SLC24A2: variants seen among roughly 807,000 people sequenced by gnomAD.
The protein encoded by SLC24A2 is solute carrier family 24 member 2.
A neutral mutation model predicts 62.0 loss-of-function variants in SLC24A2; 36 were observed. The observed-to-expected ratio is 0.58, with a 90% CI of 0.44 to 0.77. SLC24A2 has a LOEUF of 0.77. SLC24A2 is among the 30% of genes least tolerant of loss of function. SLC24A2 has a pLI of 0.00. For synonymous variants in SLC24A2, 358 were observed against 294.0 expected (o/e 1.22, Z -2.23); for missense variants, 846 against 817.9 (o/e 1.03, Z -0.42).
intron 2 of SLC24A2, among the ~76,000 whole-genome samples, chr9:19,697,998 TG>T (rs1820242716): frequency 6.6e-6 from 1 of 152,124 alleles, no homozygotes; most frequent in Non-Finnish European, 1.5e-5. Flanking sequence ...TGAACAAAAA[TG>T]TTTTAATATG....
chr9:19,693,474 G>T (rs1820099723), intron 2 of SLC24A2, among the ~76,000 whole-genome samples: 1 of 152,022 alleles, frequency 6.6e-6, no homozygotes, highest in Non-Finnish European at 1.5e-5. Context: ...TTCAGTTGTT[G>T]ATGGCCCTGT....
the SLC24A2 span, among the ~76,000 whole-genome samples, chr9:19,806,590 A>G: frequency 6.6e-6 from 1 of 152,198 alleles, no homozygotes; most frequent in African/African-American, 2.4e-5. Context: ...TATAACATTC[A>G]TGAGATCTTC....
At chr9:20,148,791 A>G in the SLC24A2 span, among the ~76,000 whole-genome samples, 1 of 152,212 alleles carries the variant, frequency 6.6e-6, no homozygotes, top group Admixed American at 6.5e-5. Context: ...AACACAAGGA[A>G]TATTTTGACA....
chr9:19,563,941 C>A (rs536685067), intron 7 of SLC24A2, among the ~76,000 whole-genome samples: 134 of 151,004 alleles, frequency 8.9e-4, no homozygotes, highest in African/African-American at 3.2e-3. Flanking sequence ...GCAGCCTCTG[C>A]CTCCTGGGCT....
the SLC24A2 span, among the ~76,000 whole-genome samples, chr9:20,190,844 C>T: frequency 6.6e-6 from 1 of 152,134 alleles, no homozygotes; most frequent in East Asian, 1.9e-4. Context: ...AAAGGGATGA[C>T]AAAAATGGTA....
chr9:20,279,188 A>T, the SLC24A2 span, among the ~76,000 whole-genome samples: 5 of 152,236 alleles, frequency 3.3e-5, no homozygotes, highest in Admixed American at 2.6e-4. Context: ...CTACAATTTA[A>T]GATGAGATTT....
At chr9:20,186,909 G>T in the SLC24A2 span, among the ~76,000 whole-genome samples, 2 of 152,084 alleles carry the variant, frequency 1.3e-5, no homozygotes, top group African/African-American at 4.8e-5. Flanking sequence ...TCTGACCTTT[G>T]GGCAGGGGTG....
the SLC24A2 span, among the ~76,000 whole-genome samples, chr9:20,170,273 C>T: frequency 2.0e-4 from 28 of 141,958 alleles, no homozygotes; most frequent in African/African-American, 8.0e-4. Context: ...GAAACCAGCA[C>T]TCAGGCAAAA....
the SLC24A2 span, among the ~76,000 whole-genome samples, chr9:20,185,867 G>A: frequency 0.096 from 14,613 of 151,930 alleles, 1,433 homozygotes; most frequent in East Asian, 0.47. Flanking sequence ...AATTGGAAAA[G>A]CAGACACCCC....
At chr9:19,856,808 G>A in the SLC24A2 span, among the ~76,000 whole-genome samples, 1 of 152,184 alleles carries the variant, frequency 6.6e-6, no homozygotes, top group Non-Finnish European at 1.5e-5. Context: ...CGCTCTGGCT[G>A]CCCCATGGTG....
the SLC24A2 span, among the ~76,000 whole-genome samples, chr9:19,938,593 C>T: frequency 6.6e-6 from 1 of 152,176 alleles, no homozygotes; most frequent in Non-Finnish European, 1.5e-5. Context: ...GACACTAACA[C>T]TCACCTAGAC....
the SLC24A2 span, among the ~76,000 whole-genome samples, chr9:20,019,226 AGAAAGAAAGAAAAAGAAAGAAG>A: frequency 1.1e-5 from 1 of 92,020 alleles, no homozygotes; most frequent in Admixed American, 1.9e-4. Flanking sequence ...AAAGACAGAA[AGAAAGAAAGAAAAAGAAAGAAG>A]GAAAGAGAAA....
At chr9:19,673,722 T>A (rs560274293) in intron 2 of SLC24A2, among the ~76,000 whole-genome samples, 1 of 152,330 alleles carries the variant, frequency 6.6e-6, no homozygotes, top group East Asian at 1.9e-4. Flanking sequence ...AATGCTGGGA[T>A]TACAGGTATG....
intron 2 of SLC24A2, among the ~76,000 whole-genome samples, chr9:19,716,059 C>T (rs1288988435): frequency 6.6e-6 from 1 of 152,162 alleles, no homozygotes; most frequent in Admixed American, 6.5e-5. Context: ...AAGAGCCTCC[C>T]TTTATAACCA....
chr9:19,784,945 A>G (rs1823118128), intron 2 of SLC24A2, among the ~76,000 whole-genome samples: 2 of 151,962 alleles, frequency 1.3e-5, no homozygotes, highest in African/African-American at 4.8e-5. Context: ...TTTTGAACAA[A>G]ATCTTTCACC....
chr9:20,001,154 T>C, the SLC24A2 span, among the ~76,000 whole-genome samples: 1 of 152,228 alleles, frequency 6.6e-6, no homozygotes, highest in Non-Finnish European at 1.5e-5. Context: ...ACTTCGTTTC[T>C]GATGGCAGAG....
the SLC24A2 span, among the ~76,000 whole-genome samples, chr9:19,832,546 A>G: frequency 6.6e-6 from 1 of 152,210 alleles, no homozygotes; most frequent in African/African-American, 2.4e-5. Flanking sequence ...ATATGTAGAA[A>G]GCTGAAACTG....
At chr9:19,710,288 A>T (rs541869394) in intron 2 of SLC24A2, among the ~76,000 whole-genome samples, 2 of 152,250 alleles carry the variant, frequency 1.3e-5, no homozygotes, top group South Asian at 4.1e-4. Flanking sequence ...TTACCTCAAG[A>T]TGCTTTCAGG....
At chr9:20,122,895 C>G in the SLC24A2 span, among the ~76,000 whole-genome samples, 3 of 152,098 alleles carry the variant, frequency 2.0e-5, no homozygotes, top group Non-Finnish European at 4.4e-5. Context: ...GGACCTAAAT[C>G]TCAGTTCAAT....
Sources: allele counts gnomAD v4.1 joint callset (sites outside exome capture counted in the v4.1 genomes callset), GRCh38; gene constraint gnomAD v4.1.1; transcripts MANE v1.5; gene names NCBI Gene and HGNC (gene_info 2026-07-23, HGNC 2026-07-21).